The following HNF4G variants were observed in gnomAD, a reference collection of about 807,000 sequenced individuals.
The protein encoded by HNF4G is hepatocyte nuclear factor 4-gamma.
Under a neutral mutation model 50.9 loss-of-function variants are expected in HNF4G, and 21 were observed. The ratio of observed to expected loss-of-function variants is 0.41; its 90% confidence interval spans 0.29 to 0.59. The LOEUF is 0.59. Ranked by LOEUF, HNF4G falls within the 20% of genes least tolerant of loss-of-function variation. The probability of loss-of-function intolerance (pLI) is 0.26; values close to 1 mark genes in which losing one functional copy is unlikely to be tolerated. For missense variants in HNF4G, 527 were observed against 559.4 expected, an observed-to-expected ratio of 0.94 and a Z score of 0.58; for synonymous variants, 198 against 185.6, an observed-to-expected ratio of 1.07 and a Z score of -0.54.
chr8:75,499,300 G>A (rs1013808673), intron 2 of HNF4G, among the ~76,000 whole-genome samples: 1 of 151,828 alleles, frequency 6.6e-6, no homozygotes, highest in Non-Finnish European at 1.5e-5. Context: ...AAATAATAAA[G>A]TACTAAGAAA....
chr8:75,483,753 CTG>C (rs1162773333), intron 1 of HNF4G, among the ~76,000 whole-genome samples: 1 of 152,120 alleles, frequency 6.6e-6, no homozygotes, highest in Admixed American at 6.5e-5. Flanking sequence ...ACTTTAAAAA[CTG>C]TGTATCTAAT....
chr8:75,488,793 T>C (rs1812552761), intron 1 of HNF4G, among the ~76,000 whole-genome samples: 1 of 152,142 alleles, frequency 6.6e-6, no homozygotes, highest in Admixed American at 6.5e-5. Context: ...ATTTAAAAAA[T>C]GAATATAAGG....
At chr8:75,488,439 A>AT (rs201958822) in intron 1 of HNF4G, among the ~76,000 whole-genome samples, 3,204 of 146,666 alleles carry the variant, frequency 0.022, 105 homozygotes, top group East Asian at 0.15. Flanking sequence ...ATGCCTGGCT[A>AT]TTTTTTTTTT....
intron 2 of HNF4G, among the ~76,000 whole-genome samples, chr8:75,513,191 C>T (rs971222667): frequency 2.0e-5 from 3 of 152,060 alleles, no homozygotes; most frequent in African/African-American, 7.2e-5. Context: ...GCTCCTACCA[C>T]CACGCCCAGC....
At chr8:75,477,513 CAA>C (rs1254667759) in intron 1 of HNF4G, among the ~76,000 whole-genome samples, 2 of 152,004 alleles carry the variant, frequency 1.3e-5, no homozygotes, top group African/African-American at 4.8e-5. Context: ...GAAATTTACG[CAA>C]GAGAGAACTA....
chr8:75,490,725 T>C (rs1812608000), intron 2 of HNF4G, among the ~76,000 whole-genome samples: 2 of 152,194 alleles, frequency 1.3e-5, no homozygotes, highest in Admixed American at 1.3e-4. Flanking sequence ...ATTTTGTGAT[T>C]TTCTGAAGAA....
chr8:75,410,027 T>C (rs1250667189), intron 1 of HNF4G, among the ~76,000 whole-genome samples: 1 of 152,202 alleles, frequency 6.6e-6, no homozygotes, highest in Admixed American at 6.5e-5. Flanking sequence ...CTGAAATTTA[T>C]TTTTCTTTAA....
At chr8:75,483,094 G>T (rs1299866083) in intron 1 of HNF4G, among the ~76,000 whole-genome samples, 1 of 152,096 alleles carries the variant, frequency 6.6e-6, no homozygotes, top group Non-Finnish European at 1.5e-5. Flanking sequence ...AACAAAGTTT[G>T]AAATGATTTG....
intron 1 of HNF4G, among the ~76,000 whole-genome samples, chr8:75,486,462 A>G (rs1173492406): frequency 1.3e-5 from 2 of 152,158 alleles, no homozygotes; most frequent in Non-Finnish European, 2.9e-5. Flanking sequence ...TGTTATGTAC[A>G]AAGTAGTAAG....
intron 1 of HNF4G, among the ~76,000 whole-genome samples, chr8:75,430,990 A>G (rs544682419): frequency 6.6e-6 from 1 of 152,268 alleles, no homozygotes; most frequent in African/African-American, 2.4e-5. Context: ...AAAAGACAGA[A>G]GACTATAAAA....
chr8:75,529,622 T>C (rs894065307), intron 2 of HNF4G, among the ~76,000 whole-genome samples: 5 of 152,072 alleles, frequency 3.3e-5, no homozygotes, highest in Non-Finnish European at 7.3e-5. Flanking sequence ...AAATGGACAA[T>C]GATCATGTAA....
At chr8:75,549,559 T>G (rs2130798266) in intron 3 of HNF4G, among the ~76,000 whole-genome samples, 1 of 151,828 alleles carries the variant, frequency 6.6e-6, no homozygotes, top group East Asian at 1.9e-4. Flanking sequence ...CTTTTTTTTT[T>G]TTTTCACAAA....
chr8:75,493,360 G>A lies in HNF4G; in HGVS notation c.-24+3152G>A, dbSNP rs538473085. Among the ~76,000 whole-genome samples, 14 of 152,080 alleles carry A rather than the reference G, an allele frequency of 9.2e-5. No individual in the cohort carries two copies. In the South Asian group the frequency reaches 1.0e-3, roughly 11 times the overall value. The stretch of plus-strand genomic sequence containing the variant: ...TCCTGAAGAGTGCTTAGAAAAAGGC[G>A]TGCTTTCTTTCTCACAGAATGAATC... On this transcript the variant is annotated intron_variant, in intron 2 of 10. Coordinates refer to the HNF4G transcript ENST00000354370.
intron 2 of HNF4G, among the ~76,000 whole-genome samples, chr8:75,518,055 G>A (rs1002300226): frequency 6.6e-6 from 1 of 151,034 alleles, no homozygotes; most frequent in Non-Finnish European, 1.5e-5. Context: ...TGTTACATAT[G>A]TATACTTATG....
At chr8:75,532,723 A>G (rs1806361646) in intron 2 of HNF4G, among the ~76,000 whole-genome samples, 1 of 152,014 alleles carries the variant, frequency 6.6e-6, no homozygotes. Context: ...GTAATCCTAT[A>G]TGTATATTTT....
At chr8:75,515,257 T>C (rs1805859345) in intron 2 of HNF4G, among the ~76,000 whole-genome samples, 1 of 152,212 alleles carries the variant, frequency 6.6e-6, no homozygotes, top group Non-Finnish European at 1.5e-5. Context: ...TATTTTAGGT[T>C]TCATTTGCTC....
chr8:75,472,890 T>A (rs1364884473), intron 1 of HNF4G, among the ~76,000 whole-genome samples: 1 of 152,076 alleles, frequency 6.6e-6, no homozygotes, highest in Admixed American at 6.6e-5. Context: ...AATGGCTAAA[T>A]GAGATGTAAA....
chr8:75,418,566 C>T (rs1344585687), intron 1 of HNF4G, among the ~76,000 whole-genome samples: 1 of 152,136 alleles, frequency 6.6e-6, no homozygotes, highest in Admixed American at 6.6e-5. Context: ...CCACACTTTC[C>T]TCATATTTGG....
At chr8:75,547,354 A>G (rs6997146) in intron 2 of HNF4G, among the ~76,000 whole-genome samples, 2,010 of 152,346 alleles carry the variant, frequency 0.013, 51 homozygotes, top group African/African-American at 0.046. Flanking sequence ...CACAGCAGCC[A>G]AAATGAAGAT....
Sources: allele counts gnomAD v4.1 joint callset (sites outside exome capture counted in the v4.1 genomes callset), GRCh38; gene constraint gnomAD v4.1.1; transcripts MANE v1.5; gene names NCBI Gene and HGNC (gene_info 2026-07-23, HGNC 2026-07-21).